NPHP1: variants seen among roughly 807,000 people sequenced by gnomAD.
The protein encoded by NPHP1 is nephrocystin-1.
In NPHP1, 70 loss-of-function variants were observed where a neutral mutation model predicts 90.4. That is an observed-to-expected ratio of 0.77 (90% CI 0.64 to 0.95). The LOEUF is 0.95. Among genes scored for constraint, NPHP1 ranks in the 40% least tolerant of loss-of-function variants. The pLI, the probability that NPHP1 is intolerant of heterozygous loss-of-function variation, is 0.00. For missense variants in NPHP1, 764 were observed against 795.9 expected (o/e 0.96, Z 0.48); for synonymous variants, 256 against 271.7 (o/e 0.94, Z 0.57).
At chr2:110,125,326 A>G in intron 19 of NPHP1, 2 of 1,522,372 alleles carry the variant, frequency 1.3e-6, no homozygotes, top group Non-Finnish European at 1.7e-6. Flanking sequence ...TTTGAGAGCT[A>G]GAGAAGTTTT....
At chr2:110,137,410 G>A (rs1244536574) in intron 16 of NPHP1, among the ~76,000 whole-genome samples, 1 of 151,912 alleles carries the variant, frequency 6.6e-6, no homozygotes, top group African/African-American at 2.4e-5. Context: ...GGAGAAAATT[G>A]TTGCAATCTA....
chr2:110,129,371 T>C, intron 17 of NPHP1, 112 bp from the exon 18 acceptor site: 2 of 830,092 alleles, frequency 2.4e-6, no homozygotes, highest in Non-Finnish European at 4.1e-6. Context: ...GATTTGTTGA[T>C]AACACATTCT....
At chr2:110,172,683 G>A (rs925587250) in intron 4 of NPHP1, among the ~76,000 whole-genome samples, 20 of 152,002 alleles carry the variant, frequency 1.3e-4, no homozygotes, top group Non-Finnish European at 2.5e-4. Flanking sequence ...TCAGGGAGGC[G>A]GAGGTGGAGA....
chr2:110,179,393 T>G (rs983679249), intron 3 of NPHP1, among the ~76,000 whole-genome samples: 4 of 152,192 alleles, frequency 2.6e-5, no homozygotes, highest in Non-Finnish European at 5.9e-5. Context: ...GAATCCTTAA[T>G]AGCAGGTGAG....
chr2:110,153,983 C>CAAA (rs35010593), intron 11 of NPHP1, among the ~76,000 whole-genome samples: 10 of 142,560 alleles, frequency 7.0e-5, no homozygotes, highest in Middle Eastern at 7.1e-3. Flanking sequence ...AACTCCATCT[C>CAAA]AAAAAAAAAA....
At chr2:110,125,479 T>C in intron 19 of NPHP1, 158 bp downstream of exon 19, 1 of 1,120,292 alleles carries the variant, frequency 8.9e-7, no homozygotes, top group Non-Finnish European at 1.3e-6. Context: ...TGCGTAACCC[T>C]CTTGGAATGT....
At chr2:110,159,559 T>C (rs1200206423) in intron 11 of NPHP1, among the ~76,000 whole-genome samples, 4 of 152,080 alleles carry the variant, frequency 2.6e-5, no homozygotes, top group Non-Finnish European at 5.9e-5. Context: ...TCAAATTTAC[T>C]GGTATAAAGC....
intron 2 of NPHP1, among the ~76,000 whole-genome samples, chr2:110,198,154 T>C (rs1369008636): frequency 6.6e-6 from 1 of 152,038 alleles, no homozygotes; most frequent in African/African-American, 2.4e-5. Flanking sequence ...GCTGGAAGCA[T>C]GTTCTCCTAT....
intron 11 of NPHP1, among the ~76,000 whole-genome samples, chr2:110,156,355 ATGTGCCT>A (rs1470366550): frequency 1.3e-5 from 2 of 152,092 alleles, no homozygotes; most frequent in Non-Finnish European, 2.9e-5. Flanking sequence ...ACCATGTGAG[ATGTGCCT>A]TTCACCTTCT....
chr2:110,138,027 G>C (rs1468127444), intron 16 of NPHP1, among the ~76,000 whole-genome samples: 1 of 151,928 alleles, frequency 6.6e-6, no homozygotes, highest in South Asian at 2.1e-4. Context: ...CCTTTGTAGG[G>C]ACATGGATGA....
At chr2:110,199,023 G>GA (rs1335799966) in intron 2 of NPHP1, among the ~76,000 whole-genome samples, 1 of 149,628 alleles carries the variant, frequency 6.7e-6, no homozygotes, top group Non-Finnish European at 1.5e-5. Context: ...AACTTAAGGA[G>GA]AAAAAAAAAG....
chr2:110,178,121 T>C, intron 4 of NPHP1: 1 of 445,996 alleles, frequency 2.2e-6, no homozygotes, highest in South Asian at 3.7e-5. Flanking sequence ...CTTTTACACA[T>C]CAACATTGAC....
intron 16 of NPHP1, among the ~76,000 whole-genome samples, chr2:110,140,289 G>T (rs1277077097): frequency 6.6e-6 from 1 of 152,130 alleles, no homozygotes; most frequent in African/African-American, 2.4e-5. Context: ...GAAGTCCTGA[G>T]GAGTATATTT....
At chr2:110,164,192 A>G in intron 8 of NPHP1, 1 of 342,200 alleles carries the variant, frequency 2.9e-6, no homozygotes, top group Non-Finnish European at 5.5e-6. Context: ...ATGAGCCACC[A>G]CACCTGGCTA....
chr2:110,164,580 G>GA lies in NPHP1; in HGVS notation c.771+107dup, dbSNP rs748170051. ...CTCTGCTCTGTACATTCCATGCCCTGAACCCTGTTTCAGATCCATTGGTGT... is the reference window on the plus strand; with the variant it reads ...CTCTGCTCTGTACATTCCATGCCCTGAAACCCTGTTTCAGATCCATTGGTGT... On this transcript the variant is annotated intron_variant, in intron 8 of 19. Coordinates refer to ENST00000445609, the MANE Select transcript of NPHP1 (RefSeq NM_001128178.3). The GA allele has an allele frequency of 1.9e-6, 3 of 1,606,152 alleles. No individual in the cohort carries two copies. In the Admixed American group the frequency reaches 5.0e-5, roughly 27 times the overall value.
chr2:110,154,292 C>A (rs1300247585), intron 11 of NPHP1, among the ~76,000 whole-genome samples: 1 of 152,168 alleles, frequency 6.6e-6, no homozygotes, highest in African/African-American at 2.4e-5. Context: ...ACACGTGGAA[C>A]TGTAAGTCCA....
At chr2:110,125,888 C>G (rs1679324638) in intron 18 of NPHP1, 1 of 589,748 alleles carries the variant, frequency 1.7e-6, no homozygotes, top group Non-Finnish European at 3.0e-6. Flanking sequence ...GTGAAAAATG[C>G]CGTAGAAGCC....
intron 16 of NPHP1, among the ~76,000 whole-genome samples, chr2:110,140,160 T>C (rs1448762823): frequency 6.6e-6 from 1 of 151,916 alleles, no homozygotes; most frequent in African/African-American, 2.4e-5. Context: ...CCCAGGAATG[T>C]ATATTTTGGG....
intron 16 of NPHP1, among the ~76,000 whole-genome samples, chr2:110,140,868 T>G (rs1680574897): frequency 6.6e-6 from 1 of 152,190 alleles, no homozygotes; most frequent in Non-Finnish European, 1.5e-5. Context: ...AAGATTGAAC[T>G]GTTAACACTA....
Sources: gnomAD v4.1 joint callset for allele counts (sites outside exome capture counted in the v4.1 genomes callset) on GRCh38, gnomAD v4.1.1 for gene constraint, MANE v1.5 for transcripts, NCBI Gene and HGNC (gene_info 2026-07-23, HGNC 2026-07-21) for gene names.